The following ZFHX3 variants were observed in gnomAD, a reference collection of about 807,000 sequenced individuals.
ZFHX3 encodes the protein zinc finger homeobox protein 3.
Under a neutral mutation model 279.1 loss-of-function variants are expected in ZFHX3, and 42 were observed. That is an observed-to-expected ratio of 0.15 (90% CI 0.12 to 0.19). The LOEUF is 0.19. Ranked by LOEUF, ZFHX3 falls within the 10% of genes least tolerant of loss-of-function variation. The pLI is 1.00. For missense variants in ZFHX3, 4,981 were observed against 4,754.0 expected (o/e 1.05, Z -1.40); for synonymous variants, 2,293 against 1,957.8 (o/e 1.17, Z -4.52).
chr16:73,340,474 A>T (rs1285897254), intron 3 of ZFHX3, among the ~76,000 whole-genome samples: 3 of 152,208 alleles, frequency 2.0e-5, no homozygotes, highest in African/African-American at 7.2e-5. Context: ...CTCCCACCTC[A>T]GCCTCCTGAG....
At chr16:72,970,941 T>C (rs966689127) in intron 1 of ZFHX3, among the ~76,000 whole-genome samples, 2 of 152,232 alleles carry the variant, frequency 1.3e-5, no homozygotes, top group Non-Finnish European at 2.9e-5. Flanking sequence ...TTCATTATTT[T>C]AAAAATTTGG....
intron 2 of ZFHX3, among the ~76,000 whole-genome samples, chr16:73,458,325 ACTT>A (rs2018410901): frequency 8.7e-6 from 1 of 115,416 alleles, no homozygotes; most frequent in Non-Finnish European, 1.7e-5. Context: ...TTCCTCCCTC[ACTT>A]CCTCCCTCCC....
At chr16:73,690,679 A>G (rs1454466129) in intron 1 of ZFHX3, among the ~76,000 whole-genome samples, 2 of 152,202 alleles carry the variant, frequency 1.3e-5, no homozygotes, top group Non-Finnish European at 2.9e-5. Flanking sequence ...AAGCTTGAAA[A>G]TAAATTGTGC....
chr16:73,065,229 G>A (rs1437118609), intron 8 of ZFHX3, among the ~76,000 whole-genome samples: 1 of 152,174 alleles, frequency 6.6e-6, no homozygotes, highest in African/African-American at 2.4e-5. Context: ...CGGTGCCCAC[G>A]GTGGCACGTG....
At chr16:72,886,885 T>C (rs1183346640) in intron 4 of ZFHX3, among the ~76,000 whole-genome samples, 1 of 152,206 alleles carries the variant, frequency 6.6e-6, no homozygotes, top group Non-Finnish European at 1.5e-5. Flanking sequence ...AGTGCTCCCA[T>C]GTAGACGGAT....
intron 1 of ZFHX3, among the ~76,000 whole-genome samples, chr16:73,001,313 T>C (rs1344016185): frequency 6.6e-6 from 1 of 152,198 alleles, no homozygotes; most frequent in African/African-American, 2.4e-5. Context: ...GATTTCAGTC[T>C]GTCCCCAGTC....
In ZFHX3 at chr16:73,385,486, C is replaced by T. The variant is rs141140459; in HGVS notation, c.-1290-67150G>A. Among the ~76,000 whole-genome samples the T allele has an allele frequency of 1.8e-4, 28 of 152,282 alleles. 1 individual carries two copies. In the South Asian group the frequency reaches 3.3e-3, roughly 18 times the overall value. ...TTATAGGCCCTGGCAGCTCCAATCT[C>T]TCCAACTGCAACCAGCTCATGTCAA... On this transcript the variant is annotated intron_variant, in intron 3 of 17. Transcript: ENST00000641206.
At chr16:73,454,744 G>A (rs1053007357) in intron 3 of ZFHX3, among the ~76,000 whole-genome samples, 5 of 152,016 alleles carry the variant, frequency 3.3e-5, no homozygotes, top group South Asian at 2.1e-4. Flanking sequence ...GGAGAGGAGC[G>A]AGACTACAAA....
At chr16:73,284,392 A>G (rs775550409) in intron 4 of ZFHX3, among the ~76,000 whole-genome samples, 8 of 151,876 alleles carry the variant, frequency 5.3e-5, no homozygotes, top group Non-Finnish European at 8.8e-5. Context: ...ACTAACGCTA[A>G]CATTTCTAGA....
chr16:73,575,201 ATG>A (rs1292860298), intron 2 of ZFHX3, among the ~76,000 whole-genome samples: 1 of 152,166 alleles, frequency 6.6e-6, no homozygotes, highest in East Asian at 1.9e-4. Flanking sequence ...CTCCTGGAAT[ATG>A]TGAGAATAGA....
chr16:73,277,748 A>T (rs955765486), intron 4 of ZFHX3, among the ~76,000 whole-genome samples: 14 of 152,210 alleles, frequency 9.2e-5, no homozygotes, highest in African/African-American at 3.4e-4. Flanking sequence ...CTCGGGACTG[A>T]GTAATTTTTA....
chr16:73,054,647 A>G (rs1965513603), intron 1 of ZFHX3, among the ~76,000 whole-genome samples: 1 of 152,090 alleles, frequency 6.6e-6, no homozygotes, highest in Admixed American at 6.6e-5. Flanking sequence ...TAAGCAAACC[A>G]AGAAATTTGG....
At chr16:73,684,183 A>C (rs1412197194) in intron 1 of ZFHX3, among the ~76,000 whole-genome samples, 3 of 151,996 alleles carry the variant, frequency 2.0e-5, no homozygotes, top group African/African-American at 7.2e-5. Flanking sequence ...AGTCCCAGCT[A>C]CTCGAGAGGC....
chr16:73,552,787 TA>T (rs1474170932), intron 2 of ZFHX3, among the ~76,000 whole-genome samples: 1 of 152,274 alleles, frequency 6.6e-6, no homozygotes, highest in Non-Finnish European at 1.5e-5. Flanking sequence ...TTTTATGTAT[TA>T]AAAAAACCTT....
rs148901264 is a variant in ZFHX3 at position 73,767,539 on chromosome 16, T to C, written c.-1607-87299A>G. On this transcript the variant is annotated intron_variant, in intron 1 of 17. Coordinates refer to the ZFHX3 transcript ENST00000641206. ...ATAAACACAAAAGAAGAATTCTTTT[T>C]CTGACCTTCCCAAAATAGAAAACAA... 5.5e-3 allele frequency among the ~76,000 whole-genome samples: 842 copies of C among 152,340 alleles called. 8 individuals are homozygous for C. The highest frequency in any genetic ancestry group is 0.019 in the African/African-American group (804 of 41,580).
chr16:73,783,650 G>C (rs970369262), intron 1 of ZFHX3, among the ~76,000 whole-genome samples: 7 of 152,198 alleles, frequency 4.6e-5, no homozygotes, highest in African/African-American at 1.7e-4. Flanking sequence ...TTAGTCAACT[G>C]TAAATCAGTA....
chr16:72,871,712 T>G (rs974308790), intron 4 of ZFHX3, among the ~76,000 whole-genome samples: 2 of 150,618 alleles, frequency 1.3e-5, no homozygotes, highest in Non-Finnish European at 3.0e-5. Flanking sequence ...CCTGACCTCA[T>G]GTGATCCGCC....
intron 2 of ZFHX3, among the ~76,000 whole-genome samples, chr16:73,593,412 T>A (rs1212174797): frequency 6.6e-6 from 1 of 152,148 alleles, no homozygotes; most frequent in Non-Finnish European, 1.5e-5. Flanking sequence ...ATAAAAATGA[T>A]AACATGTCAT....
At chr16:72,995,257 A>G (rs1597068395) in intron 1 of ZFHX3, among the ~76,000 whole-genome samples, 2 of 152,274 alleles carry the variant, frequency 1.3e-5, no homozygotes, top group South Asian at 2.1e-4. Flanking sequence ...TAAAGGGGTC[A>G]CCATAAACAA....
Sources: allele counts gnomAD v4.1 joint callset (sites outside exome capture counted in the v4.1 genomes callset), GRCh38; gene constraint gnomAD v4.1.1; transcripts MANE v1.5; gene names NCBI Gene and HGNC (gene_info 2026-07-23, HGNC 2026-07-21).